Variants in TTC29 observed in about 807,000 individuals in gnomAD.
TTC29 encodes the protein tetratricopeptide repeat protein 29.
TTC29 carries 49 observed loss-of-function variants against 58.1 expected under a neutral mutation model. That is an observed-to-expected ratio of 0.84 (90% CI 0.67 to 1.07). TTC29 has a LOEUF of 1.07. Ranked by LOEUF, TTC29 falls within the 50% of genes least tolerant of loss-of-function variation. The pLI is 0.00. For missense variants in TTC29, 582 were observed against 555.6 expected (o/e 1.05, Z -0.48); for synonymous variants, 209 against 196.8 (o/e 1.06, Z -0.52).
At chr4:146,777,490 G>A (rs745932460) in intron 11 of TTC29, among the ~76,000 whole-genome samples, 7 of 151,822 alleles carry the variant, frequency 4.6e-5, no homozygotes, top group Non-Finnish European at 8.8e-5. Context: ...TAACTAAGAT[G>A]GCATTTTAGA....
In TTC29 at chr4:146,707,880, T is replaced by C. The variant is rs75586299; in HGVS notation, c.1331-329A>G. On this transcript the variant is annotated intron_variant, in intron 11 of 12. Transcript: ENST00000325106. The stretch of plus-strand genomic sequence containing the variant: ...AAAATGAGTTCTGGGGCTAGGTCCA[T>C]AAAGGCTATGCAGCCTCTACCTGGT... Among the ~76,000 whole-genome samples the C allele has an allele frequency of 3.0e-4, 45 of 152,266 alleles. No individual in the cohort carries two copies. The East Asian group carries it at 8.5e-3, about 29-fold the overall frequency.
intron 11 of TTC29, among the ~76,000 whole-genome samples, chr4:146,714,849 G>A (rs1400204852): frequency 6.6e-6 from 1 of 152,154 alleles, no homozygotes; most frequent in Non-Finnish European, 1.5e-5. Context: ...GAGAAGGGGA[G>A]AAATGGAAGG....
At chr4:146,942,982 G>C (rs1736552260) in intron 2 of TTC29, 1 of 182,154 alleles carries the variant, frequency 5.5e-6, no homozygotes, top group African/African-American at 2.3e-5. Flanking sequence ...AGCCAAGATA[G>C]CTCATCCAGG....
intron 11 of TTC29, among the ~76,000 whole-genome samples, chr4:146,797,384 T>C (rs916948632): frequency 6.6e-6 from 1 of 152,376 alleles, no homozygotes; most frequent in African/African-American, 2.4e-5. Flanking sequence ...TCAAAATGAA[T>C]CCCTTTTCCT....
intron 11 of TTC29, among the ~76,000 whole-genome samples, chr4:146,780,723 G>GT (rs1033327812): frequency 6.6e-6 from 1 of 151,846 alleles, no homozygotes; most frequent in Non-Finnish European, 1.5e-5. Context: ...AACTGTACCA[G>GT]TTTTTTTCAC....
intron 11 of TTC29, among the ~76,000 whole-genome samples, chr4:146,779,766 T>C (rs1748447375): frequency 6.6e-6 from 1 of 152,160 alleles, no homozygotes; most frequent in South Asian, 2.1e-4. Flanking sequence ...TTACTTCCTT[T>C]ACATTGGTTC....
intron 11 of TTC29, among the ~76,000 whole-genome samples, chr4:146,754,123 C>A: frequency 6.7e-6 from 1 of 149,134 alleles, no homozygotes; most frequent in Non-Finnish European, 1.5e-5. Context: ...AATAAACTAC[C>A]ATCATTTTAT....
intron 10 of TTC29, among the ~76,000 whole-genome samples, chr4:146,815,434 G>C (rs1022159434): frequency 6.6e-6 from 1 of 152,102 alleles, no homozygotes; most frequent in South Asian, 2.1e-4. Context: ...AGAAAGGAGT[G>C]GGTTCCATTT....
At chr4:146,916,423 C>G (rs965319398) in intron 4 of TTC29, among the ~76,000 whole-genome samples, 3 of 151,372 alleles carry the variant, frequency 2.0e-5, no homozygotes, top group Non-Finnish European at 3.0e-5. Context: ...ATAATGAAAA[C>G]TGAAAGCATT....
At chr4:146,751,900 T>G (rs1746028018) in intron 11 of TTC29, among the ~76,000 whole-genome samples, 1 of 152,106 alleles carries the variant, frequency 6.6e-6, no homozygotes, top group Non-Finnish European at 1.5e-5. Flanking sequence ...AACTAAGACC[T>G]GTTTTTTTGA....
At chr4:146,919,683 C>T (rs942440756) in intron 4 of TTC29, among the ~76,000 whole-genome samples, 2 of 151,140 alleles carry the variant, frequency 1.3e-5, no homozygotes, top group African/African-American at 4.8e-5. Context: ...CTATGATACC[C>T]TCCACATTTT....
At chr4:146,806,157 T>G (rs1750601607) in intron 10 of TTC29, among the ~76,000 whole-genome samples, 1 of 152,130 alleles carries the variant, frequency 6.6e-6, no homozygotes, top group Admixed American at 6.5e-5. Flanking sequence ...TAAGGAGAAA[T>G]GAAATCCTTT....
intron 8 of TTC29, among the ~76,000 whole-genome samples, chr4:146,855,223 A>T (rs1471303291): frequency 6.6e-6 from 1 of 152,166 alleles, no homozygotes; most frequent in African/African-American, 2.4e-5. Context: ...ACTTGAGGTC[A>T]GGAGTTCAAG....
Position 146,761,988 on chromosome 4 carries a change from G to A in TTC29, c.1330+41469C>T, listed in dbSNP as rs1181432108. Among the ~76,000 whole-genome samples the A allele has an allele frequency of 2.0e-5, 3 of 151,788 alleles. No individual in the cohort carries two copies. The East Asian group carries it at 5.8e-4, about 29-fold the overall frequency. On this transcript the variant is annotated intron_variant, in intron 11 of 12. Coordinates refer to ENST00000325106, the MANE Select transcript of TTC29 (RefSeq NM_031956.4). ...AAAACAAAAACAAAAACAAAAACCTGCCAAATAAATGACCTTGTGTTTTTT... is the reference window on the plus strand; with the variant it reads ...AAAACAAAAACAAAAACAAAAACCTACCAAATAAATGACCTTGTGTTTTTT...
intron 4 of TTC29, among the ~76,000 whole-genome samples, chr4:146,931,299 A>T (rs910483880): frequency 6.6e-6 from 1 of 152,242 alleles, no homozygotes; most frequent in African/African-American, 2.4e-5. Context: ...ATAACTATAC[A>T]TAAAGAGAAA....
chr4:146,891,490 T>G (rs1483240191), intron 6 of TTC29, among the ~76,000 whole-genome samples: 1 of 152,150 alleles, frequency 6.6e-6, no homozygotes, highest in African/African-American at 2.4e-5. Context: ...CATAGGAATA[T>G]TATCTAAGTC....
chr4:146,922,778 TAC>T (rs1261279777), intron 4 of TTC29, among the ~76,000 whole-genome samples: 1 of 151,820 alleles, frequency 6.6e-6, no homozygotes, highest in African/African-American at 2.4e-5. Flanking sequence ...CCCTCCAAGA[TAC>T]AGAGAATATT....
intron 11 of TTC29, among the ~76,000 whole-genome samples, chr4:146,753,420 G>A (rs1486984271): frequency 6.6e-6 from 1 of 152,194 alleles, no homozygotes; most frequent in Admixed American, 6.5e-5. Context: ...TGGAGAAGAT[G>A]TGGAGAAATA....
At chr4:146,933,355 C>G (rs902941611) in intron 4 of TTC29, among the ~76,000 whole-genome samples, 1 of 152,220 alleles carries the variant, frequency 6.6e-6, no homozygotes, top group Non-Finnish European at 1.5e-5. Context: ...TCCTCACATA[C>G]ATAGCTAAAG....
Sources: allele counts gnomAD v4.1 joint callset (sites outside exome capture counted in the v4.1 genomes callset), GRCh38; gene constraint gnomAD v4.1.1; transcripts MANE v1.5; gene names NCBI Gene and HGNC (gene_info 2026-07-23, HGNC 2026-07-21).